DNMT3A: variants seen among roughly 807,000 people sequenced by gnomAD.
DNMT3A encodes the protein DNA (cytosine-5)-methyltransferase 3A.
A neutral mutation model predicts 117.6 loss-of-function variants in DNMT3A; 267 were observed. The ratio of observed to expected loss-of-function variants is 2.27; its 90% CI spans 2.05 to 2.51. The LOEUF (loss-of-function observed/expected upper bound fraction) is 2.51. DNMT3A is among the 30% of genes most tolerant of loss of function. The pLI, the probability that DNMT3A is intolerant of heterozygous loss-of-function variation, is 0.00. For synonymous variants in DNMT3A, 432 were observed against 474.8 expected, an observed-to-expected ratio of 0.91 and a Z score of 1.17; for missense variants, 1,029 against 1,260.2, an observed-to-expected ratio of 0.82 and a Z score of 2.78.
intron 1 of DNMT3A, among the ~76,000 whole-genome samples, chr2:25,330,518 C>T (rs2034976566): frequency 6.6e-6 from 1 of 152,268 alleles, no homozygotes; most frequent in Non-Finnish European, 1.5e-5. Flanking sequence ...GGCCACCATA[C>T]AGCCCAAGGG....
At chr2:25,248,894 T>G (rs1189269206) in intron 6 of DNMT3A, among the ~76,000 whole-genome samples, 2 of 152,188 alleles carry the variant, frequency 1.3e-5, no homozygotes, top group African/African-American at 4.8e-5. Flanking sequence ...TACTTTAAGT[T>G]TTAGGGTACA....
rs372652198 is a variant in DNMT3A at position 25,252,168 on chromosome 2, C to G, written c.640-3916G>C. 6.4e-7 allele frequency: 1 copy of G among 1,559,594 alleles called. No individual in the cohort carries two copies. Among genetic ancestry groups the G allele is most frequent in the Non-Finnish European group, 8.7e-7 (1 of 1,153,616 alleles). On this transcript the variant is annotated intron_variant, in intron 6 of 22. Transcript: ENST00000321117. This position sits in a 1 kb window ranked among gnomAD's most constrained non-coding sequence, Gnocchi z 5.5. ...CCTGCCGCCTCCCCGCCCCCGGTCT[C>G]CCCGGGGCTCCGTCCAGGAACCTAC...
intron 20 of DNMT3A, among the ~76,000 whole-genome samples, chr2:25,238,112 C>G (rs1258793860): frequency 6.6e-6 from 1 of 152,168 alleles, no homozygotes; most frequent in Non-Finnish European, 1.5e-5. Context: ...CGAGAAATCC[C>G]ACAGGACCAA....
intron 3 of DNMT3A, among the ~76,000 whole-genome samples, chr2:25,287,028 T>G (rs1297546045): frequency 6.6e-6 from 1 of 152,190 alleles, no homozygotes; most frequent in Non-Finnish European, 1.5e-5. Context: ...CACAATTGAT[T>G]CGTGAATGGC....
intron 6 of DNMT3A, among the ~76,000 whole-genome samples, chr2:25,267,210 C>T (rs1573388668): frequency 6.6e-6 from 1 of 152,168 alleles, no homozygotes; most frequent in African/African-American, 2.4e-5. Context: ...TATTTACACG[C>T]ATACACACGG....
intron 2 of DNMT3A, among the ~76,000 whole-genome samples, chr2:25,312,467 G>T (rs546919827): frequency 1.4e-4 from 21 of 152,316 alleles, no homozygotes; most frequent in African/African-American, 4.8e-4. Context: ...TCTACAGGGT[G>T]CTGGGCTGGG....
chr2:25,239,012 A>G (rs1172154230), intron 20 of DNMT3A, 118 bp downstream of exon 20: 1 of 752,782 alleles, frequency 1.3e-6, no homozygotes, highest in Non-Finnish European at 2.2e-6. Context: ...ATGGCAGAGC[A>G]GCTAGTCATT....
chr2:25,294,503 T>C lies in DNMT3A; in HGVS notation c.177+5636A>G, dbSNP rs1234128764. 6.6e-6 allele frequency among the ~76,000 whole-genome samples: 1 copy of C among 151,974 alleles called. No homozygotes were observed. The highest frequency in any genetic ancestry group is 2.4e-5 in the African/African-American group (1 of 41,358). ...TGCAGCCCAGGAGTGGGAGACACGA[T>C]GTCAGGAAGTTATATGCATAAAAGG... On this transcript the variant is annotated intron_variant, in intron 3 of 22. Transcript: ENST00000321117. This position sits in a 1 kb window ranked among gnomAD's most constrained non-coding sequence, Gnocchi z 4.7.
rs541715274 is a variant in DNMT3A at position 25,322,860 on chromosome 2, C to A, written c.-177-8699G>T. On this transcript the variant is annotated intron_variant, in intron 1 of 22. Coordinates refer to ENST00000321117, the MANE Select transcript of DNMT3A (RefSeq NM_022552.5). Reference sequence around the variant, plus strand: ...AATCCTCACTCCACCAAACACGATCCCAATATTCTCACCCTAAGGGCCCCT... The same window carrying A: ...AATCCTCACTCCACCAAACACGATCACAATATTCTCACCCTAAGGGCCCCT... Among the ~76,000 whole-genome samples the A allele has an allele frequency of 2.6e-5, 4 of 152,168 alleles. No individual in the cohort carries two copies. In the South Asian group the frequency reaches 8.3e-4, roughly 32 times the overall value.
At chr2:25,333,294 G>A (rs949645187) in intron 1 of DNMT3A, among the ~76,000 whole-genome samples, 5 of 151,612 alleles carry the variant, frequency 3.3e-5, no homozygotes, top group African/African-American at 4.8e-5. Flanking sequence ...CTCACCGTGA[G>A]GGGCCATGGG....
chr2:25,325,595 G>A (rs1056965496), intron 1 of DNMT3A, among the ~76,000 whole-genome samples: 2 of 152,162 alleles, frequency 1.3e-5, no homozygotes, highest in African/African-American at 4.8e-5. Context: ...GTCCTCGGGG[G>A]AGAGTGCTCC....
At chr2:25,278,430 T>C (rs1195858654) in intron 4 of DNMT3A, among the ~76,000 whole-genome samples, 1 of 152,252 alleles carries the variant, frequency 6.6e-6, no homozygotes, top group Non-Finnish European at 1.5e-5. Context: ...GAGAGGGGTT[T>C]TGTGCTGACC....
chr2:25,300,291 T>C (rs767617436), intron 2 of DNMT3A, 48 bp from the exon 3 acceptor site: 17 of 1,587,712 alleles, frequency 1.1e-5, no homozygotes, highest in Non-Finnish European at 1.4e-5. Context: ...ATCCCAGCAG[T>C]GTAGCATTCC....
In DNMT3A at chr2:25,244,263, C is replaced by G. The variant is rs769419803; in HGVS notation, c.1743G>C (p.Trp581Cys). The G allele has an allele frequency of 1.2e-6, 2 of 1,613,888 alleles. No individual in the cohort carries two copies. Among genetic ancestry groups the G allele is most frequent in the Admixed American group, 1.7e-5 (1 of 60,024 alleles). The change falls in exon 15 of 23, where the codon TGG becomes TGC. Residue 581 changes from tryptophan to cysteine, a missense_variant. Transcript: ENST00000321117. The stretch of plus-strand genomic sequence containing the variant: ...CCTTGTGCCCGCACATGTAGCAGTT[C>G]CAGGGGTCTTCCTTAATGGCTGCCT... Reference protein sequence around the residue: ...AAQAAIKEDPWNCYMCGHKGT... With the variant: ...AAQAAIKEDPCNCYMCGHKGT...
intron 1 of DNMT3A, among the ~76,000 whole-genome samples, chr2:25,321,739 A>T (rs1484428826): frequency 6.6e-6 from 1 of 152,218 alleles, no homozygotes; most frequent in Non-Finnish European, 1.5e-5. Flanking sequence ...TTACAAAATT[A>T]GCCGAGTGTG....
intron 6 of DNMT3A, among the ~76,000 whole-genome samples, chr2:25,274,180 G>T (rs1224921615): frequency 6.6e-6 from 1 of 152,142 alleles, no homozygotes; most frequent in East Asian, 1.9e-4. Context: ...CAGGTGTTCA[G>T]GCCAGACCCC....
chr2:25,340,788 G>T (rs980668510), intron 1 of DNMT3A, among the ~76,000 whole-genome samples: 7 of 151,128 alleles, frequency 4.6e-5, no homozygotes, highest in African/African-American at 1.7e-4. Context: ...GGGCGACCCC[G>T]GGCGTACCCC....
chr2:25,314,787 G>C lies in DNMT3A; in HGVS notation c.-177-626C>G, dbSNP rs571937752. 4 of 849,324 alleles carry C rather than the reference G, an allele frequency of 4.7e-6. No homozygotes were observed. The East Asian group carries it at 3.7e-4, about 78-fold the overall frequency. The allele number at this position is 849,324 out of a possible 1,614,324, so 52.6% of individuals were successfully genotyped here. A position where few individuals can be genotyped will look rare whatever the true frequency, so the allele number is the denominator to read the frequency against. ...AGGCCACGGCCACACTGAGGCAGGA[G>C]TGAGGCTGCTCTCTCCCCCACCCCA... On this transcript the variant is annotated intron_variant, in intron 1 of 22. Transcript: ENST00000321117.
Position 25,233,138 on chromosome 2 carries a change from T to A in DNMT3A, c.*1141A>T. ...CCTCTGCCATCTTGCCGAGGGAGTC[T>A]CCTTTTAGAAAACAATCAAAGGGTT... On this transcript the variant is annotated 3_prime_UTR_variant, in exon 23 of 23. Coordinates refer to ENST00000321117, the MANE Select transcript of DNMT3A (RefSeq NM_022552.5). 1 of 233,816 alleles carries A rather than the reference T, an allele frequency of 4.3e-6. No homozygotes were observed. The highest frequency in any genetic ancestry group is 6.0e-5 in the East Asian group (1 of 16,726). The allele number at this position is 233,816 out of a possible 1,614,324, so 14.5% of individuals were successfully genotyped here. A position where few individuals can be genotyped will look rare whatever the true frequency, so the allele number is the denominator to read the frequency against.
Sources: allele counts gnomAD v4.1 joint callset (sites outside exome capture counted in the v4.1 genomes callset), GRCh38; gene constraint gnomAD v4.1.1; non-coding constraint Gnocchi (gnomAD v3.1); transcripts MANE v1.5; gene names NCBI Gene and HGNC (gene_info 2026-07-23, HGNC 2026-07-21).